The following PSD3 variants were observed in gnomAD, a reference collection of about 807,000 sequenced individuals.
The protein encoded by PSD3 is pleckstrin and Sec7 domain containing 3, also known as PH and SEC7 domain-containing protein 3.
A neutral mutation model predicts 105.5 loss-of-function variants in PSD3; 49 were observed. That is an observed-to-expected ratio of 0.46 (90% CI 0.37 to 0.59). The LOEUF is 0.59. Among genes scored for constraint, PSD3 ranks in the 20% least tolerant of loss-of-function variants. The pLI, the probability that PSD3 is intolerant of heterozygous loss-of-function variation, is 0.00. For missense variants in PSD3, 1,561 were observed against 1,263.8 expected (o/e 1.24, Z -3.57); for synonymous variants, 557 against 457.8 (o/e 1.22, Z -2.77).
At chr8:18,720,844 G>C (rs1298833195) in intron 9 of PSD3, 16 of 152,010 alleles carry the variant, frequency 1.1e-4, no homozygotes, top group Non-Finnish European at 2.9e-5. Context: ...CCAAAGCAGT[G>C]ATTTATTATT....
At chr8:18,980,855 T>C (rs1563483499) in intron 1 of PSD3, among the ~76,000 whole-genome samples, 1 of 152,166 alleles carries the variant, frequency 6.6e-6, no homozygotes, top group Non-Finnish European at 1.5e-5. Flanking sequence ...GAACACTGAG[T>C]GCTTCCGCCA....
intron 7 of PSD3, among the ~76,000 whole-genome samples, chr8:18,800,380 T>C (rs947993927): frequency 1.3e-5 from 2 of 152,182 alleles, no homozygotes; most frequent in Admixed American, 1.3e-4. Context: ...ACTGCAGCCT[T>C]GGACATGGAG....
chr8:18,917,963 C>G (rs866465974), intron 2 of PSD3, among the ~76,000 whole-genome samples: 1 of 152,164 alleles, frequency 6.6e-6, no homozygotes, highest in African/African-American at 2.4e-5. Context: ...TAACAAGGTT[C>G]ACTGCCTCCA....
intron 1 of PSD3, among the ~76,000 whole-genome samples, chr8:19,026,930 ATGAG>A (rs147336356): frequency 0.096 from 14,538 of 152,064 alleles, 858 homozygotes; most frequent in Non-Finnish European, 0.14. Flanking sequence ...TACTGAATGA[ATGAG>A]TGAGTGAAAG....
At chr8:18,613,383 G>A (rs192344132) in intron 11 of PSD3, among the ~76,000 whole-genome samples, 221 of 152,196 alleles carry the variant, frequency 1.5e-3, no homozygotes, top group African/African-American at 4.8e-3. Context: ...GTGTGGTAAG[G>A]TGGGATTTAA....
chr8:18,716,710 A>G (rs935045931), intron 9 of PSD3, among the ~76,000 whole-genome samples: 2 of 152,244 alleles, frequency 1.3e-5, no homozygotes, highest in African/African-American at 4.8e-5. Context: ...AACCTTTCTT[A>G]ATAGACCATT....
chr8:18,649,232 G>A (rs765138227), intron 10 of PSD3, among the ~76,000 whole-genome samples: 10 of 152,222 alleles, frequency 6.6e-5, no homozygotes, highest in Admixed American at 2.6e-4. Context: ...GAGAGCAACC[G>A]CAGGGACTGA....
intron 1 of PSD3, among the ~76,000 whole-genome samples, chr8:19,067,035 C>G (rs941555765): frequency 1.3e-5 from 2 of 152,146 alleles, no homozygotes; most frequent in Non-Finnish European, 2.9e-5. Flanking sequence ...GGGTCTAGCA[C>G]AGAGCATAAC....
At position 18,582,816 on chromosome 8, in the gene PSD3, C is replaced by CTTTTTTTTTT. The variant is rs71217386; in HGVS notation, c.2482-7541_2482-7532dup. Among the ~76,000 whole-genome samples, 23 of 125,460 alleles carry CTTTTTTTTTT rather than the reference C, an allele frequency of 1.8e-4. 2 individuals are homozygous for CTTTTTTTTTT. The highest frequency in any genetic ancestry group is 2.8e-4 in the Non-Finnish European group (17 of 61,464). 82.3% of individuals were successfully genotyped at this position (125,460 alleles called of 152,430 possible). A position where few individuals can be genotyped will look rare whatever the true frequency, so the allele number is the denominator to read the frequency against. ...TTCTCCAACCTGCAGCCACACTGAT[C>CTTTTTTTTTT]TTTTTTTTTTTTTTTTTTTTTTTTT... is the stretch of plus-strand genomic sequence containing the variant. On this transcript the variant is annotated intron_variant, in intron 12 of 15. Coordinates refer to ENST00000327040, the MANE Select transcript of PSD3 (RefSeq NM_015310.4).
At chr8:19,046,973 G>C (rs973218467) in intron 1 of PSD3, among the ~76,000 whole-genome samples, 3 of 152,214 alleles carry the variant, frequency 2.0e-5, no homozygotes, top group African/African-American at 7.2e-5. Context: ...TGGAGAGTTA[G>C]GGGTTAAATC....
At chr8:18,888,629 G>A (rs1316771241) in intron 2 of PSD3, among the ~76,000 whole-genome samples, 1 of 152,154 alleles carries the variant, frequency 6.6e-6, no homozygotes, top group Non-Finnish European at 1.5e-5. Flanking sequence ...ATGACTTTTA[G>A]TAGAATTACA....
intron 1 of PSD3, among the ~76,000 whole-genome samples, chr8:19,022,554 G>A (rs1024336264): frequency 3.9e-5 from 6 of 152,268 alleles, no homozygotes; most frequent in East Asian, 1.9e-4. Flanking sequence ...ATCCCAAAGC[G>A]GTTGGTCAAC....
intron 1 of PSD3, among the ~76,000 whole-genome samples, chr8:18,961,795 A>G (rs1823944924): frequency 6.6e-6 from 1 of 152,164 alleles, no homozygotes. Context: ...AGAACATGAT[A>G]AATCAGATAT....
At chr8:18,804,978 G>GT in intron 4 of PSD3, 80 bp from the exon 5 acceptor site, 1 of 1,228,186 alleles carries the variant, frequency 8.1e-7, no homozygotes, top group East Asian at 2.3e-5. Flanking sequence ...AATATTGATA[G>GT]TTTTCTTTTA....
chr8:18,845,730 C>G (rs373420985), intron 4 of PSD3, among the ~76,000 whole-genome samples: 1 of 152,018 alleles, frequency 6.6e-6, no homozygotes, highest in Non-Finnish European at 1.5e-5. Context: ...TGAGGCCGGT[C>G]GTTGGAGACC....
At chr8:19,015,916 T>C (rs146325632), upstream of PSD3, among the ~76,000 whole-genome samples, 49 of 152,352 alleles carry the variant, frequency 3.2e-4, no homozygotes, top group African/African-American at 1.1e-3. Flanking sequence ...AGATTGTACT[T>C]ATAAAGCTGA....
intron 4 of PSD3, among the ~76,000 whole-genome samples, chr8:18,836,662 G>T (rs956003872): frequency 1.3e-5 from 2 of 152,132 alleles, no homozygotes; most frequent in African/African-American, 4.8e-5. Context: ...ATAAAATGGT[G>T]TAGTATTTGC....
intron 1 of PSD3, among the ~76,000 whole-genome samples, chr8:19,001,103 CT>C (rs34752713): frequency 0.11 from 15,677 of 148,954 alleles, 1,215 homozygotes; most frequent in Non-Finnish European, 0.16. Flanking sequence ...TTTAAAATGA[CT>C]TTTTTTTTTA....
At chr8:18,903,949 T>C (rs762044975) in intron 2 of PSD3, among the ~76,000 whole-genome samples, 42 of 151,958 alleles carry the variant, frequency 2.8e-4, no homozygotes, top group Non-Finnish European at 5.3e-4. Context: ...GGGTAGGTGA[T>C]GTGGCTCTAC....
Sources: gnomAD v4.1 joint callset for allele counts (sites outside exome capture counted in the v4.1 genomes callset) on GRCh38, gnomAD v4.1.1 for gene constraint, MANE v1.5 for transcripts, NCBI Gene and HGNC (gene_info 2026-07-23, HGNC 2026-07-21) for gene names.